ARHGAP25: variants seen among roughly 807,000 people sequenced by gnomAD.
ARHGAP25 encodes the protein rho GTPase-activating protein 25.
A neutral mutation model predicts 71.0 loss-of-function variants in ARHGAP25; 34 were observed. The observed-to-expected ratio is 0.48, with a 90% CI of 0.36 to 0.64. The LOEUF (loss-of-function observed/expected upper bound fraction) is 0.64, where lower values mean the gene tolerates loss of function less well. Ranked by LOEUF, ARHGAP25 falls within the 30% of genes least tolerant of loss-of-function variation. The probability of loss-of-function intolerance (pLI) is 0.00; values close to 1 mark genes in which losing one functional copy is unlikely to be tolerated. For synonymous variants in ARHGAP25, 282 were observed against 296.5 expected, an observed-to-expected ratio of 0.95 and a Z score of 0.50; for missense variants, 706 against 805.1, an observed-to-expected ratio of 0.88 and a Z score of 1.49.
Position 68,813,317 on chromosome 2 carries a change from G to A in ARHGAP25, c.705G>A (p.Leu235=), listed in dbSNP as rs2103665681. ...RDTDVHTVAS[L]LKLYLRDLPE... ...CAGATGTGCACACTGTGGCTTCCCT[G>A]TTAAAGCTCTACCTCCGAGACCTCC... The change falls in exon 6 of 11, where the codon CTG becomes CTA. Residue 235 remains leucine, a synonymous_variant. Coordinates refer to ENST00000409202, the MANE Select transcript of ARHGAP25 (RefSeq NM_001007231.3). 2 of 1,613,904 alleles carry A rather than the reference G, an allele frequency of 1.2e-6. No individual in the cohort carries two copies. Among genetic ancestry groups the A allele is most frequent in the Middle Eastern group, 3.3e-4 (2 of 6,056 alleles).
At chr2:68,737,884 T>G (rs1675300739) in intron 1 of ARHGAP25, among the ~76,000 whole-genome samples, 1 of 152,048 alleles carries the variant, frequency 6.6e-6, no homozygotes, top group Non-Finnish European at 1.5e-5. Flanking sequence ...GGAGTGAAAG[T>G]GAAAGTCTCT....
At chr2:68,777,346 AT>A (rs1437530811) in intron 2 of ARHGAP25, among the ~76,000 whole-genome samples, 1 of 152,024 alleles carries the variant, frequency 6.6e-6, no homozygotes, top group African/African-American at 2.4e-5. Flanking sequence ...TAATTATTTC[AT>A]TTTTCCGGAC....
rs1674812520 is a variant in ARHGAP25, at chr2:68,723,452, C to T, written c.-18+12754C>T. On this transcript the variant is annotated intron_variant and NMD_transcript_variant, in intron 2 of 7. Transcript: ENST00000463483. ...CACATAGATTCCCTGTTGGGCTTCC[C>T]AGTCCTTGGTGGCTGTTTCATGACT... 1.3e-5 allele frequency among the ~76,000 whole-genome samples: 2 copies of T among 152,188 alleles called. 1 individual carries two copies. Among genetic ancestry groups the T allele is most frequent in the South Asian group, 4.1e-4 (2 of 4,834 alleles).
At position 68,775,249 on chromosome 2, in the gene ARHGAP25, G is replaced by A. The variant is rs1368056582; in HGVS notation, c.90G>A (p.Glu30=). The A allele has an allele frequency of 1.9e-6, 3 of 1,614,294 alleles. No individual in the cohort carries two copies. Among genetic ancestry groups the A allele is most frequent in the East Asian group, 2.2e-5 (1 of 44,894 alleles). The part of the protein sequence containing the change: ...IARSRSVMTG[E]QMAAFHPSST... ...GGTCAAGGAGTGTGATGACTGGCGA[G>A]CAGATGGCTGCCTTCCATCCATCGT... The change falls in exon 2 of 11, where the codon GAG becomes GAA. Residue 30 remains glutamate, a synonymous_variant. Transcript: ENST00000409202.
chr2:68,723,172 T>C (rs1232488776), intron 2 of ARHGAP25, among the ~76,000 whole-genome samples: 1 of 152,242 alleles, frequency 6.6e-6, no homozygotes, highest in African/African-American at 2.4e-5. Context: ...AAGTTCTTGC[T>C]GTGGGATTGT....
At chr2:68,781,909 A>T (rs1332374057) in intron 2 of ARHGAP25, among the ~76,000 whole-genome samples, 1 of 152,130 alleles carries the variant, frequency 6.6e-6, no homozygotes, top group Non-Finnish European at 1.5e-5. Flanking sequence ...CTTCACAAAG[A>T]CCAAGTGTCT....
intron 4 of ARHGAP25, among the ~76,000 whole-genome samples, chr2:68,789,133 C>T (rs1326602702): frequency 6.6e-6 from 1 of 151,930 alleles, no homozygotes; most frequent in South Asian, 2.1e-4. Context: ...CCCAGGTTCA[C>T]ACCATTCTCC....
At chr2:68,820,699 T>C (rs761300581) in intron 9 of ARHGAP25, among the ~76,000 whole-genome samples, 3 of 152,142 alleles carry the variant, frequency 2.0e-5, no homozygotes, top group Non-Finnish European at 4.4e-5. Flanking sequence ...TAGAAAAAGG[T>C]ATACGTTGAG....
At chr2:68,729,409 G>A (rs1442249999) in intron 2 of ARHGAP25, among the ~76,000 whole-genome samples, 5 of 152,176 alleles carry the variant, frequency 3.3e-5, no homozygotes, top group Non-Finnish European at 7.3e-5. Context: ...TGATGCTCCT[G>A]AAGAAGATCC....
chr2:68,783,465 TG>T (rs1477246984), intron 3 of ARHGAP25, among the ~76,000 whole-genome samples: 1 of 151,878 alleles, frequency 6.6e-6, no homozygotes, highest in Non-Finnish European at 1.5e-5. Context: ...TTTTTGTTTT[TG>T]TTTTTTTTTT....
intron 4 of ARHGAP25, among the ~76,000 whole-genome samples, chr2:68,794,554 GT>G (rs962918305): frequency 6.6e-6 from 1 of 152,042 alleles, no homozygotes; most frequent in African/African-American, 2.4e-5. Context: ...AATTCTGTTT[GT>G]GTGATGTATC....
chr2:68,821,092 C>CTTTTTTTTTTT (rs34119311), intron 9 of ARHGAP25, among the ~76,000 whole-genome samples: 83 of 99,440 alleles, frequency 8.3e-4, no homozygotes, highest in African/African-American at 1.4e-3. Context: ...CTTTTTCTTT[C>CTTTTTTTTTTT]TTTTTTTTTT....
chr2:68,733,454 G>A (rs1346900240), upstream of ARHGAP25, among the ~76,000 whole-genome samples: 3 of 152,110 alleles, frequency 2.0e-5, no homozygotes, highest in African/African-American at 7.2e-5. Flanking sequence ...GGAGAGAAAT[G>A]GGACTCTAGC....
intron 2 of ARHGAP25, among the ~76,000 whole-genome samples, chr2:68,725,859 C>T (rs1389067910): frequency 1.3e-5 from 2 of 152,192 alleles, no homozygotes; most frequent in East Asian, 3.8e-4. Context: ...AGCTCTTGCA[C>T]TCACACCTCC....
chr2:68,822,249 CTT>C, intron 9 of ARHGAP25, 89 bp from the exon 10 acceptor site: 1 of 1,300,596 alleles, frequency 7.7e-7, no homozygotes, highest in Non-Finnish European at 1.1e-6. Context: ...TACCAGGAAA[CTT>C]TTGTTTTGGG....
chr2:68,790,491 A>G (rs1679094780), intron 4 of ARHGAP25, among the ~76,000 whole-genome samples: 1 of 152,314 alleles, frequency 6.6e-6, no homozygotes, highest in South Asian at 2.1e-4. Context: ...CTCTTTTGCC[A>G]CAGCACATTA....
intron 2 of ARHGAP25, among the ~76,000 whole-genome samples, chr2:68,722,770 A>G (rs1674793902): frequency 6.6e-6 from 1 of 151,936 alleles, no homozygotes; most frequent in Non-Finnish European, 1.5e-5. Context: ...GAACCTCCCA[A>G]TTTTTCCCCA....
Position 68,746,012 on chromosome 2 carries a change from A to G in ARHGAP25, c.61+10752A>G, listed in dbSNP as rs78706038. 3.4e-3 allele frequency among the ~76,000 whole-genome samples: 524 copies of G among 152,276 alleles called. 2 individuals are homozygous for G. Among genetic ancestry groups the G allele is most frequent in the African/African-American group, 0.012 (493 of 41,550 alleles). On this transcript the variant is annotated intron_variant, in intron 1 of 10. Coordinates refer to ENST00000409202, the MANE Select transcript of ARHGAP25 (RefSeq NM_001007231.3). Reference sequence around the variant, plus strand: ...CATCCATCAGAGCAGAGCTGTCATGACCTAATCACCTCCCAAGGGCCATAC... The same window carrying G: ...CATCCATCAGAGCAGAGCTGTCATGGCCTAATCACCTCCCAAGGGCCATAC...
At chr2:68,774,723 G>A in intron 1 of ARHGAP25, 1 of 1,005,388 alleles carries the variant, frequency 9.9e-7, no homozygotes, top group South Asian at 4.0e-5. Flanking sequence ...TCTGTCTTGC[G>A]GCCCCTCCTC....
Sources: allele counts gnomAD v4.1 joint callset (sites outside exome capture counted in the v4.1 genomes callset), GRCh38; gene constraint gnomAD v4.1.1; transcripts MANE v1.5; gene names NCBI Gene and HGNC (gene_info 2026-07-23, HGNC 2026-07-21).